SVEP1: variants seen among roughly 807,000 people sequenced by gnomAD.
SVEP1 encodes sushi, von Willebrand factor type A, EGF and pentraxin domain-containing protein 1.
SVEP1 carries 164 observed loss-of-function variants against 367.3 expected under a neutral mutation model. The observed-to-expected ratio is 0.45, with a 90% CI of 0.39 to 0.51. The LOEUF (loss-of-function observed/expected upper bound fraction) is 0.51, where lower values mean the gene tolerates loss of function less well. SVEP1 is among the 20% of genes least tolerant of loss of function. SVEP1 has a pLI of 0.00. For synonymous variants in SVEP1, 1,666 were observed against 1,611.6 expected, an observed-to-expected ratio of 1.03 and a Z score of -0.81; for missense variants, 4,117 against 4,425.3, an observed-to-expected ratio of 0.93 and a Z score of 1.98.
intron 8 of SVEP1, among the ~76,000 whole-genome samples, chr9:110,492,941 G>A (rs1564158310): frequency 6.6e-6 from 1 of 152,126 alleles, no homozygotes. Flanking sequence ...CTCTCCTGGT[G>A]AATTTTGAAG....
intron 36 of SVEP1, among the ~76,000 whole-genome samples, chr9:110,412,914 G>A (rs1298070833): frequency 6.6e-6 from 1 of 151,354 alleles, no homozygotes; most frequent in Non-Finnish European, 1.5e-5. Flanking sequence ...AGGATGTGGA[G>A]AAATAGGAAC....
chr9:110,404,206 T>C (rs1371443498), intron 39 of SVEP1, 121 bp downstream of exon 39: 11 of 967,870 alleles, frequency 1.1e-5, no homozygotes, highest in Admixed American at 2.4e-5. Flanking sequence ...TTTCAAATCC[T>C]TTGAAATGAG....
intron 22 of SVEP1, among the ~76,000 whole-genome samples, chr9:110,453,875 T>C (rs1183613761): frequency 1.4e-5 from 1 of 72,636 alleles, no homozygotes; most frequent in African/African-American, 5.8e-5. Flanking sequence ...TCTCAAAAAA[T>C]ACAAAAATTA....
chr9:110,482,463 T>G lies in SVEP1; in HGVS notation c.2068A>C (p.Thr690Pro). 1.9e-6 allele frequency: 3 copies of G among 1,584,622 alleles called. No homozygotes were observed. The highest frequency in any genetic ancestry group is 2.6e-6 in the Non-Finnish European group (3 of 1,164,006). ...GAELVITRSH[T>P]QGDLFPQGET... ...CCTTGAGGGAAAAGGTCTCCTTGTGTATGACTTCTGGTAATGACCAATTCA... is the reference window on the plus strand; with the variant it reads ...CCTTGAGGGAAAAGGTCTCCTTGTGGATGACTTCTGGTAATGACCAATTCA... The change falls in exon 11 of 48, where the codon ACA becomes CCA. Residue 690 changes from threonine (T) to proline (P), a missense_variant. Physicochemically the swap from Thr to Pro is conservative, Grantham distance 38. Transcript: ENST00000374469.
intron 3 of SVEP1, 195 bp from the exon 4 acceptor site, chr9:110,514,301 C>A (rs1335921825): frequency 1.6e-6 from 1 of 626,278 alleles, no homozygotes; most frequent in Non-Finnish European, 2.7e-6. Context: ...CACCTGAGGT[C>A]AGGAGTTTGA....
Position 110,481,443 on chromosome 9 carries a change from A to T in SVEP1, c.2171-7T>A, listed in dbSNP as rs1251851948. ...GGAATTTCACAGGGAGAACCTGTGT[A>T]AAAAAAATTGTACTATTCATATATA... On this transcript the variant is annotated splice_region_variant and splice_polypyrimidine_tract_variant and intron_variant, in intron 11 of 47. Coordinates refer to ENST00000374469, the MANE Select transcript of SVEP1 (RefSeq NM_153366.4). 1.3e-6 allele frequency: 2 copies of T among 1,547,656 alleles called. No individual in the cohort carries two copies. Among genetic ancestry groups the T allele is most frequent in the Non-Finnish European group, 1.7e-6 (2 of 1,145,884 alleles).
chr9:110,572,313 T>C (rs907343600), intron 1 of SVEP1, among the ~76,000 whole-genome samples: 19 of 152,218 alleles, frequency 1.2e-4, no homozygotes, highest in Admixed American at 3.3e-4. Flanking sequence ...GACAAAGCAG[T>C]TGGCTCTCTC....
intron 42 of SVEP1, among the ~76,000 whole-genome samples, chr9:110,386,905 AC>A (rs1466074571): frequency 6.6e-6 from 1 of 152,206 alleles, no homozygotes; most frequent in Non-Finnish European, 1.5e-5. Flanking sequence ...ATTTATATAT[AC>A]TTCATTATAT....
chr9:110,448,856 G>A (rs1828647071), intron 24 of SVEP1, among the ~76,000 whole-genome samples: 1 of 152,202 alleles, frequency 6.6e-6, no homozygotes, highest in Non-Finnish European at 1.5e-5. Context: ...CACATTGTAG[G>A]TGAAAGTCTC....
chr9:110,572,517 T>C (rs1830576382), intron 1 of SVEP1, among the ~76,000 whole-genome samples: 2 of 152,124 alleles, frequency 1.3e-5, no homozygotes, highest in Non-Finnish European at 2.9e-5. Context: ...AGTGCTAGAT[T>C]AAGAAGAAAT....
chr9:110,398,915 A>T (rs530757582), intron 40 of SVEP1, among the ~76,000 whole-genome samples: 2 of 152,342 alleles, frequency 1.3e-5, no homozygotes, highest in African/African-American at 2.4e-5. Context: ...AACTAGTTCA[A>T]CCACTGTGGA....
At chr9:110,425,320 A>G (rs1385593659) in intron 36 of SVEP1, among the ~76,000 whole-genome samples, 1 of 152,226 alleles carries the variant, frequency 6.6e-6, no homozygotes, top group Non-Finnish European at 1.5e-5. Flanking sequence ...ACAGAAAACA[A>G]TAAAGCCATA....
chr9:110,414,385 T>C (rs1241564945), intron 36 of SVEP1, among the ~76,000 whole-genome samples: 3 of 151,960 alleles, frequency 2.0e-5, no homozygotes, highest in Non-Finnish European at 1.5e-5. Flanking sequence ...CATCATGCTA[T>C]GGATGGAAGT....
Position 110,429,318 on chromosome 9 carries a change from T to C in SVEP1, c.5632A>G (p.Thr1878Ala), listed in dbSNP as rs1412507298. ...GATGATTCTTTATCACCGGCCAGAG[T>C]ATATCCTTTATTACACCTAAAGAAG... The part of the protein sequence containing the change: ...KVTYRCNKGY[T>A]LAGDKESSCL... Residue 1878 changes from threonine to alanine, a missense_variant, in exon 35 of 48, where the codon ACT becomes GCT. Transcript: ENST00000374469. The C allele has an allele frequency of 6.4e-7, 1 of 1,569,048 alleles. No individual in the cohort carries two copies. The highest frequency in any genetic ancestry group is 8.6e-7 in the Non-Finnish European group (1 of 1,158,422).
In SVEP1 at chr9:110,496,928, C is replaced by T; in HGVS notation, c.1687G>A (p.Glu563Lys). ...GVQAAVCKDV[E>K]APQINCPKDI... The stretch of plus-strand genomic sequence containing the variant: ...TTAGGACAGTTGATTTGAGGAGCCT[C>T]CACGTCTAACTCAGAAAAATACACA... The change falls in exon 8 of 48, where the codon GAG (glutamate) becomes AAG (lysine). Residue 563 changes from glutamate (E) to lysine (K), a missense_variant. Glu to Lys is a moderately conservative substitution (Grantham distance 56). Coordinates refer to ENST00000374469, the MANE Select transcript of SVEP1 (RefSeq NM_153366.4). The T allele has an allele frequency of 1.9e-6, 3 of 1,540,048 alleles. No individual in the cohort carries two copies. The highest frequency in any genetic ancestry group is 4.9e-5 in the East Asian group (2 of 40,856).
intron 36 of SVEP1, among the ~76,000 whole-genome samples, chr9:110,416,819 C>G (rs1828127745): frequency 6.6e-6 from 1 of 152,072 alleles, no homozygotes; most frequent in Non-Finnish European, 1.5e-5. Flanking sequence ...AATTTCAGCA[C>G]TACTGACATT....
chr9:110,411,201 G>A lies in SVEP1; in HGVS notation c.6510C>T (p.Tyr2170=), dbSNP rs993538340. 20 of 1,613,902 alleles carry A rather than the reference G, an allele frequency of 1.2e-5. No individual in the cohort carries two copies. Among genetic ancestry groups the A allele is most frequent in the African/African-American group, 8.0e-5 (6 of 74,930 alleles). ...TGATGTAGAACCCCTTGTTGCAGCTGTAAGCCACCATGGCTCCAAAACTGT... is the reference window on the plus strand; with the variant it reads ...TGATGTAGAACCCCTTGTTGCAGCTATAAGCCACCATGGCTCCAAAACTGT... The part of the protein sequence containing the change: ...SNYSFGAMVA[Y]SCNKGFYIKG... Residue 2170 remains tyrosine, a synonymous_variant, in exon 37 of 48, where the codon TAC becomes TAT. Coordinates refer to ENST00000374469, the MANE Select transcript of SVEP1 (RefSeq NM_153366.4).
intron 40 of SVEP1, among the ~76,000 whole-genome samples, chr9:110,390,188 CACTTATATAAGTATGTATG>C (rs1827618882): frequency 1.5e-4 from 1 of 6,478 alleles, no homozygotes; most frequent in African/African-American, 8.7e-4. Flanking sequence ...TGTATATATA[CACTTATATAAGTATGTATG>C]TATATACTTG....
At chr9:110,486,529 T>C (rs867732782) in intron 9 of SVEP1, among the ~76,000 whole-genome samples, 4 of 151,004 alleles carry the variant, frequency 2.6e-5, no homozygotes, top group East Asian at 1.9e-4. Flanking sequence ...TGTATTTTCT[T>C]TCTCTCTCTC....
Sources: gnomAD v4.1 joint callset for allele counts (sites outside exome capture counted in the v4.1 genomes callset) on GRCh38, gnomAD v4.1.1 for gene constraint, MANE v1.5 for transcripts, NCBI Gene and HGNC (gene_info 2026-07-23, HGNC 2026-07-21) for gene names.